The following HCN1 variants were observed in gnomAD, a reference collection of about 807,000 sequenced individuals.
HCN1 encodes the protein hyperpolarization activated cyclic nucleotide gated potassium channel 1, also known as potassium/sodium hyperpolarization-activated cyclic nucleotide-gated channel 1.
A neutral mutation model predicts 78.9 loss-of-function variants in HCN1; 13 were observed. That is an observed-to-expected ratio of 0.16 (90% CI 0.11 to 0.26). The LOEUF is 0.26. Among genes scored for constraint, HCN1 ranks in the 10% least tolerant of loss-of-function variants. HCN1 has a pLI of 1.00. For missense variants in HCN1, 810 were observed against 1,154.3 expected (o/e 0.70, Z 4.32); for synonymous variants, 552 against 455.5 (o/e 1.21, Z -2.70).
intron 5 of HCN1, among the ~76,000 whole-genome samples, chr5:45,337,976 C>T (rs1285681318): frequency 6.6e-6 from 1 of 152,120 alleles, no homozygotes; most frequent in African/African-American, 2.4e-5. Context: ...TTTGAAATAT[C>T]AGCTAACTGA....
Position 45,520,076 on chromosome 5 carries a change from T to A in HCN1, c.850-58069A>T, listed in dbSNP as rs1369680619. On this transcript the variant is annotated intron_variant, in intron 2 of 7. Coordinates refer to ENST00000303230, the MANE Select transcript of HCN1 (RefSeq NM_021072.4). The stretch of plus-strand genomic sequence containing the variant: ...TTATGAATAAAGATATGGGCATTAA[T>A]CACTATATTATCAAAAGTATAAGCA... Among the ~76,000 whole-genome samples the A allele has an allele frequency of 5.9e-5, 9 of 152,148 alleles. No homozygotes were observed. In the East Asian group the frequency reaches 1.7e-3, roughly 29 times the overall value.
chr5:45,532,732 G>A (rs1453557961), intron 2 of HCN1, among the ~76,000 whole-genome samples: 1 of 152,180 alleles, frequency 6.6e-6, no homozygotes, highest in Non-Finnish European at 1.5e-5. Flanking sequence ...GCCAAAGACA[G>A]TGGTCAGAAT....
chr5:45,521,842 A>C (rs1742619169), intron 2 of HCN1, among the ~76,000 whole-genome samples: 1 of 152,038 alleles, frequency 6.6e-6, no homozygotes, highest in African/African-American at 2.4e-5. Context: ...CTAATCATTA[A>C]TCAGCTATGT....
chr5:45,658,721 C>T (rs1276190465), intron 1 of HCN1, among the ~76,000 whole-genome samples: 1 of 151,928 alleles, frequency 6.6e-6, no homozygotes, highest in African/African-American at 2.4e-5. Context: ...GGGTCACTCC[C>T]ACCCGAATAT....
chr5:45,560,858 C>T lies in HCN1; in HGVS notation c.849+84327G>A, dbSNP rs192462640. ...AGATTCATTTTCTGGTTCGTAAATACGACACTGCTTAAACCTTCCATTGGC... is the reference window on the plus strand; with the variant it reads ...AGATTCATTTTCTGGTTCGTAAATATGACACTGCTTAAACCTTCCATTGGC... On this transcript the variant is annotated intron_variant, in intron 2 of 7. Coordinates refer to ENST00000303230, the MANE Select transcript of HCN1 (RefSeq NM_021072.4). Among the ~76,000 whole-genome samples the T allele has an allele frequency of 1.8e-4, 28 of 152,068 alleles. No homozygotes were observed. In the East Asian group the frequency reaches 4.4e-3, roughly 24 times the overall value.
At chr5:45,379,657 C>G (rs1227578180) in intron 4 of HCN1, among the ~76,000 whole-genome samples, 1 of 152,008 alleles carries the variant, frequency 6.6e-6, no homozygotes, top group Admixed American at 6.6e-5. Flanking sequence ...GTGGTTACCA[C>G]AAATCTGTAT....
intron 1 of HCN1, among the ~76,000 whole-genome samples, chr5:45,651,686 C>T (rs1745678343): frequency 1.3e-5 from 2 of 151,900 alleles, no homozygotes; most frequent in South Asian, 4.1e-4. Flanking sequence ...TCTTCCCAAT[C>T]CTCTTAATAC....
At chr5:45,575,245 G>A (rs1393010418) in intron 2 of HCN1, 1 of 152,210 alleles carries the variant, frequency 6.6e-6, no homozygotes, top group South Asian at 2.1e-4. Flanking sequence ...AGGAGCTAAT[G>A]TAGCTGGTGA....
At chr5:45,468,141 A>C (rs1396350650) in intron 2 of HCN1, among the ~76,000 whole-genome samples, 1 of 152,268 alleles carries the variant, frequency 6.6e-6, no homozygotes, top group East Asian at 1.9e-4. Flanking sequence ...GGCTGACTTT[A>C]TTTCCCAAAT....
In HCN1 at chr5:45,354,487, C is replaced by T. The variant is rs1036588413; in HGVS notation, c.1231-1241G>A. 3.2e-4 allele frequency among the ~76,000 whole-genome samples: 49 copies of T among 151,952 alleles called. 1 individual carries two copies. The highest frequency in any genetic ancestry group is 1.2e-3 in the African/African-American group (48 of 41,396). On this transcript the variant is annotated intron_variant, in intron 4 of 7. Transcript: ENST00000303230. ...CTGAAATATTTTCTTGATAACACAG[C>T]TCTGACTAGATCTAGATCTCCTGAC... is the stretch of plus-strand genomic sequence containing the variant.
At chr5:45,451,747 G>C (rs1336090112) in intron 3 of HCN1, among the ~76,000 whole-genome samples, 3 of 151,670 alleles carry the variant, frequency 2.0e-5, no homozygotes, top group Admixed American at 1.3e-4. Context: ...TCACCTAAAG[G>C]CCAAAAACAT....
At chr5:45,569,139 A>C (rs1471427179) in intron 2 of HCN1, among the ~76,000 whole-genome samples, 5 of 152,084 alleles carry the variant, frequency 3.3e-5, no homozygotes, top group Non-Finnish European at 7.4e-5. Flanking sequence ...CCAGCTAATG[A>C]CCTTTAGATC....
At chr5:45,534,933 A>T (rs1298813850) in intron 2 of HCN1, among the ~76,000 whole-genome samples, 1 of 152,250 alleles carries the variant, frequency 6.6e-6, no homozygotes, top group Admixed American at 6.5e-5. Flanking sequence ...AACATACTTT[A>T]ACAGGCACAT....
intron 3 of HCN1, among the ~76,000 whole-genome samples, chr5:45,400,371 GAAAT>G (rs1739767923): frequency 7.0e-6 from 1 of 142,408 alleles, no homozygotes; most frequent in Non-Finnish European, 1.5e-5. Context: ...TAAATGACTT[GAAAT>G]AAATATATAT....
At chr5:45,275,325 A>C (rs1451833851) in intron 6 of HCN1, among the ~76,000 whole-genome samples, 1 of 152,156 alleles carries the variant, frequency 6.6e-6, no homozygotes, top group Non-Finnish European at 1.5e-5. Flanking sequence ...ATTCTTCATA[A>C]AACAAGGTGC....
intron 7 of HCN1, among the ~76,000 whole-genome samples, chr5:45,265,824 G>T (rs1437788073): frequency 6.6e-6 from 1 of 152,064 alleles, no homozygotes; most frequent in African/African-American, 2.4e-5. Context: ...AATTAAACAT[G>T]AGCTCTACAT....
intron 3 of HCN1, among the ~76,000 whole-genome samples, chr5:45,446,765 G>C (rs1740807519): frequency 6.6e-6 from 1 of 152,040 alleles, no homozygotes; most frequent in Non-Finnish European, 1.5e-5. Flanking sequence ...TTTCAACCCA[G>C]AATTTCATAT....
chr5:45,298,760 C>A (rs545080471), intron 6 of HCN1, among the ~76,000 whole-genome samples: 100 of 151,922 alleles, frequency 6.6e-4, no homozygotes, highest in Non-Finnish European at 1.2e-3. Flanking sequence ...CCGCTCCTTA[C>A]TTGTGGGCTG....
intron 2 of HCN1, among the ~76,000 whole-genome samples, chr5:45,497,158 C>G (rs1742055067): frequency 6.6e-6 from 1 of 151,990 alleles, no homozygotes; most frequent in African/African-American, 2.4e-5. Flanking sequence ...TGGTGTGGTG[C>G]TGAAAAAAAT....
Sources: allele counts gnomAD v4.1 joint callset (sites outside exome capture counted in the v4.1 genomes callset), GRCh38; gene constraint gnomAD v4.1.1; transcripts MANE v1.5; gene names NCBI Gene and HGNC (gene_info 2026-07-23, HGNC 2026-07-21).